The following MPHOSPH6 variants were observed in gnomAD, a reference collection of about 807,000 sequenced individuals.
MPHOSPH6 encodes the protein M-phase phosphoprotein 6.
In MPHOSPH6, 25 loss-of-function variants were observed where a neutral mutation model predicts 21.8. The observed-to-expected ratio is 1.15, with a 90% CI of 0.83 to 1.60. The LOEUF (loss-of-function observed/expected upper bound fraction) is 1.60. MPHOSPH6 is among the 40% of genes most tolerant of loss of function. MPHOSPH6 has a pLI of 0.00. For synonymous variants in MPHOSPH6, 84 were observed against 56.5 expected (o/e 1.49, Z -2.18); for missense variants, 269 against 181.8 (o/e 1.48, Z -2.76).
intron 1 of MPHOSPH6, among the ~76,000 whole-genome samples, chr16:82,168,417 C>T (rs926322884): frequency 1.3e-5 from 2 of 152,116 alleles, no homozygotes; most frequent in African/African-American, 2.4e-5. Context: ...TCATCCCTAA[C>T]TCCATCCTAG....
At chr16:82,153,217 T>C (rs1024208743) in intron 2 of MPHOSPH6, among the ~76,000 whole-genome samples, 1 of 152,194 alleles carries the variant, frequency 6.6e-6, no homozygotes, top group African/African-American at 2.4e-5. Context: ...ACATGAAACA[T>C]TTATATCACA....
chr16:82,151,400 A>G, intron 3 of MPHOSPH6, 24 bp downstream of exon 3: 1 of 1,599,900 alleles, frequency 6.3e-7, no homozygotes, highest in Non-Finnish European at 8.5e-7. Context: ...AAAATTTTTA[A>G]TTTGAAGCAA....
chr16:82,155,259 C>T (rs184307932), intron 2 of MPHOSPH6, among the ~76,000 whole-genome samples: 4 of 152,250 alleles, frequency 2.6e-5, no homozygotes, highest in Admixed American at 2.6e-4. Context: ...AATGCTTTCC[C>T]AACTGTGATC....
intron 1 of MPHOSPH6, among the ~76,000 whole-genome samples, chr16:82,166,064 G>A (rs67661146): frequency 0.65 from 98,967 of 151,924 alleles, 34,338 homozygotes; most frequent in East Asian, 0.78. Context: ...AAATGAGTGC[G>A]TGTAAAATGG....
At chr16:82,157,310 C>G (rs1906459503) in intron 2 of MPHOSPH6, among the ~76,000 whole-genome samples, 1 of 152,106 alleles carries the variant, frequency 6.6e-6, no homozygotes, top group Non-Finnish European at 1.5e-5. Flanking sequence ...AAATGAAATA[C>G]CACTTAGCAA....
At chr16:82,150,765 G>C (rs1457213672) in intron 3 of MPHOSPH6, among the ~76,000 whole-genome samples, 1 of 152,206 alleles carries the variant, frequency 6.6e-6, no homozygotes, top group African/African-American at 2.4e-5. Flanking sequence ...ACACTGCCAA[G>C]GGCAAGAAAC....
chr16:82,165,330 TG>T (rs980194622), intron 1 of MPHOSPH6, among the ~76,000 whole-genome samples: 1 of 151,776 alleles, frequency 6.6e-6, no homozygotes, highest in Non-Finnish European at 1.5e-5. Flanking sequence ...TTCACCACTT[TG>T]GCCAGGCTGG....
intron 2 of MPHOSPH6, among the ~76,000 whole-genome samples, chr16:82,161,209 T>G (rs1444825325): frequency 6.6e-6 from 1 of 152,188 alleles, no homozygotes; most frequent in Non-Finnish European, 1.5e-5. Context: ...TCTTTGTTAA[T>G]CTGTCTTTTG....
chr16:82,159,540 G>A (rs1906540054), intron 2 of MPHOSPH6, among the ~76,000 whole-genome samples: 1 of 152,020 alleles, frequency 6.6e-6, no homozygotes, highest in Non-Finnish European at 1.5e-5. Flanking sequence ...GAGAAGCTGG[G>A]ACTACAGGCA....
Position 82,164,128 on chromosome 16 carries a change from T to C in MPHOSPH6, c.118A>G (p.Ser40Gly), listed in dbSNP as rs199571418. The change falls in exon 2 of 5, where the codon AGT becomes GGT. Residue 40 changes from serine (S) to glycine (G), a missense_variant. Ser to Gly is a moderately conservative substitution (Grantham distance 56). Coordinates refer to ENST00000258169, the MANE Select transcript of MPHOSPH6 (RefSeq NM_005792.2). Reference sequence around the variant, plus strand: ...AAATCCAAGTACCAGTGCTCTTCACTAATGATTTTCTTTTCTTCTTCTTCT... The same window carrying C: ...AAATCCAAGTACCAGTGCTCTTCACCAATGATTTTCTTTTCTTCTTCTTCT... ...QLEEEEKKII[S>G]EEHWYLDLPE... 188 of 1,613,126 alleles carry C rather than the reference T, an allele frequency of 1.2e-4. 1 individual carries two copies. The East Asian group carries it at 2.8e-3, about 24-fold the overall frequency.
At chr16:82,167,862 CT>C (rs1906836245) in intron 1 of MPHOSPH6, among the ~76,000 whole-genome samples, 1 of 152,186 alleles carries the variant, frequency 6.6e-6, no homozygotes, top group African/African-American at 2.4e-5. Context: ...AGGTCATGGA[CT>C]GGTGCTGGTC....
In MPHOSPH6 at chr16:82,164,099, T is replaced by C. The variant is rs778034662; in HGVS notation, c.147A>G (p.Pro49=). ...AAACCTACTCTTTCTCTTTAAGCTC[T>C]GGCAAATCCAAGTACCAGTGCTCTT... ...ISEEHWYLDL[P]ELKEKESFII... is the part of the protein sequence containing the mutation. The change falls in exon 2 of 5, where the codon CCA becomes CCG. Residue 49 remains proline, a synonymous_variant. Transcript: ENST00000258169. 6.2e-7 allele frequency: 1 copy of C among 1,611,704 alleles called. No individual in the cohort carries two copies. Among genetic ancestry groups the C allele is most frequent in the East Asian group, 2.2e-5 (1 of 44,862 alleles).
chr16:82,170,086 C>A, intron 1 of MPHOSPH6, 39 bp downstream of exon 1: 1 of 1,570,890 alleles, frequency 6.4e-7, no homozygotes, highest in Non-Finnish European at 8.6e-7. Context: ...GGACCGGGTG[C>A]CCCTACCGCC....
chr16:82,163,244 T>A (rs1224917334), intron 2 of MPHOSPH6, among the ~76,000 whole-genome samples: 3 of 152,200 alleles, frequency 2.0e-5, no homozygotes, highest in African/African-American at 7.2e-5. Context: ...GTAAGCAGCA[T>A]CTTCAGTCAT....
At chr16:82,162,518 A>G (rs1366165860) in intron 2 of MPHOSPH6, among the ~76,000 whole-genome samples, 1 of 152,160 alleles carries the variant, frequency 6.6e-6, no homozygotes, top group East Asian at 1.9e-4. Context: ...GTACCCGTGA[A>G]TGGAGGTAGC....
At chr16:82,165,380 T>C (rs1906740503) in intron 1 of MPHOSPH6, among the ~76,000 whole-genome samples, 1 of 152,022 alleles carries the variant, frequency 6.6e-6, no homozygotes, top group South Asian at 2.1e-4. Context: ...CGCCTCGGCC[T>C]CCCAAAGTGC....
chr16:82,152,102 G>T (rs1192796949), intron 2 of MPHOSPH6, among the ~76,000 whole-genome samples: 1 of 152,168 alleles, frequency 6.6e-6, no homozygotes, highest in Admixed American at 6.5e-5. Context: ...AGGATAAAAA[G>T]GACTGTTAGT....
intron 2 of MPHOSPH6, among the ~76,000 whole-genome samples, chr16:82,154,756 T>A (rs1906376884): frequency 6.6e-6 from 1 of 152,112 alleles, no homozygotes; most frequent in Non-Finnish European, 1.5e-5. Context: ...TTACTAAAAA[T>A]CTTTTCACAG....
intron 1 of MPHOSPH6, among the ~76,000 whole-genome samples, chr16:82,164,407 A>C (rs758675109): frequency 1.3e-5 from 2 of 152,220 alleles, no homozygotes; most frequent in East Asian, 1.9e-4. Context: ...GAGAAAATGC[A>C]CAATGTATAT....
Sources: gnomAD v4.1 joint callset for allele counts (sites outside exome capture counted in the v4.1 genomes callset) on GRCh38, gnomAD v4.1.1 for gene constraint, MANE v1.5 for transcripts, NCBI Gene and HGNC (gene_info 2026-07-23, HGNC 2026-07-21) for gene names.